CCNYL1: variants seen among roughly 807,000 people sequenced by gnomAD.
CCNYL1 encodes cyclin Y like 1.
A neutral mutation model predicts 44.2 loss-of-function variants in CCNYL1; 16 were observed. The observed-to-expected ratio is 0.36, with a 90% CI of 0.25 to 0.55. CCNYL1 has a LOEUF of 0.55. Ranked by LOEUF, CCNYL1 falls within the 20% of genes least tolerant of loss-of-function variation. The pLI, the probability that CCNYL1 is intolerant of heterozygous loss-of-function variation, is 0.85. For synonymous variants in CCNYL1, 159 were observed against 163.2 expected (o/e 0.97, Z 0.20); for missense variants, 348 against 451.8 (o/e 0.77, Z 2.08).
chr2:207,742,151 CAA>C (rs201207374), intron 6 of CCNYL1, 70 bp from the exon 7 acceptor site: 135,226 of 1,062,388 alleles, frequency 0.13, 2,928 homozygotes, highest in African/African-American at 0.36. Flanking sequence ...AACTCAGTCT[CAA>C]AAAAAAAAAA....
intron 1 of CCNYL1, chr2:207,714,564 A>C (rs1254594592): frequency 3.7e-6 from 1 of 270,344 alleles, no homozygotes; most frequent in African/African-American, 2.3e-5. Context: ...TAAATTTTAA[A>C]GAGTTTGTTC....
In CCNYL1 at chr2:207,748,422, C is replaced by T. The variant is rs1480317892; in HGVS notation, c.806+1209C>T. Among the ~76,000 whole-genome samples the T allele has an allele frequency of 5.9e-5, 9 of 152,282 alleles. 1 individual carries two copies. In the East Asian group the frequency reaches 1.5e-3, roughly 26 times the overall value. ...CACCAATATGACCCTGAAACAGCAG[C>T]TTCATCAGGGTTCCTTCCAGGCTGG... On this transcript the variant is annotated intron_variant, in intron 8 of 9. Coordinates refer to ENST00000295414, the MANE Select transcript of CCNYL1 (RefSeq NM_001330218.2).
chr2:207,738,594 T>C (rs2663884), intron 5 of CCNYL1, among the ~76,000 whole-genome samples: 23,508 of 152,246 alleles, frequency 0.15, 3,022 homozygotes, highest in East Asian at 0.38. Context: ...TTTTGTGTTA[T>C]CAATGAATTT....
chr2:207,743,486 A>C (rs1461339233), intron 7 of CCNYL1, among the ~76,000 whole-genome samples: 2 of 152,220 alleles, frequency 1.3e-5, no homozygotes, highest in African/African-American at 4.8e-5. Context: ...ATGGTAGTGC[A>C]CACCTGTAGT....
At chr2:207,746,254 C>G (rs1041394828) in intron 7 of CCNYL1, among the ~76,000 whole-genome samples, 2 of 152,158 alleles carry the variant, frequency 1.3e-5, no homozygotes, top group African/African-American at 4.8e-5. Flanking sequence ...GCTCTCTTGA[C>G]CAGCAGTTCT....
At chr2:207,753,087 A>G (rs1192168850) in intron 9 of CCNYL1, among the ~76,000 whole-genome samples, 1 of 152,170 alleles carries the variant, frequency 6.6e-6, no homozygotes, top group African/African-American at 2.4e-5. Flanking sequence ...GTGCATGTGA[A>G]GTAATACCTT....
At chr2:207,729,192 C>T (rs2091702627) in intron 3 of CCNYL1, among the ~76,000 whole-genome samples, 1 of 148,382 alleles carries the variant, frequency 6.7e-6, no homozygotes, top group South Asian at 2.2e-4. Context: ...GATATTCTTA[C>T]TATTCAGATG....
At chr2:207,728,298 C>T (rs1052526260) in intron 3 of CCNYL1, among the ~76,000 whole-genome samples, 8 of 142,174 alleles carry the variant, frequency 5.6e-5, no homozygotes, top group Admixed American at 4.4e-4. Flanking sequence ...TTTTTTGAGA[C>T]AGGGTCTCAC....
At chr2:207,730,881 T>C (rs2091721130) in intron 3 of CCNYL1, among the ~76,000 whole-genome samples, 1 of 152,218 alleles carries the variant, frequency 6.6e-6, no homozygotes, top group South Asian at 2.1e-4. Context: ...TCTTTAATTC[T>C]AATGAAATTT....
At chr2:207,737,730 A>G (rs1361324148) in intron 5 of CCNYL1, among the ~76,000 whole-genome samples, 1 of 152,112 alleles carries the variant, frequency 6.6e-6, no homozygotes, top group African/African-American at 2.4e-5. Context: ...CAGTTTCTCA[A>G]CGTTGGCACT....
Position 207,712,031 on chromosome 2 carries a change from C to G in CCNYL1, c.135C>G (p.Pro45=). 1 of 1,515,812 alleles carries G rather than the reference C, an allele frequency of 6.6e-7. No individual in the cohort carries two copies. The highest frequency in any genetic ancestry group is 8.8e-7 in the Non-Finnish European group (1 of 1,131,704). 93.9% of individuals were successfully genotyped at this position (1,515,812 alleles called of 1,614,324 possible). Residue 45 remains proline, a synonymous_variant, in exon 1 of 10, where the codon CCC becomes CCG. Coordinates refer to ENST00000295414, the MANE Select transcript of CCNYL1 (RefSeq NM_001330218.2). ...AVSGDAVAVA[P]AVVEPAELDF... ...CCGGGGACGCGGTGGCGGTAGCGCC[C>G]GCTGTGGTGGAGCCTGCCGAGTTGG...
chr2:207,712,616 A>G (rs564446037), intron 1 of CCNYL1, among the ~76,000 whole-genome samples: 1 of 152,098 alleles, frequency 6.6e-6, no homozygotes, highest in South Asian at 2.1e-4. Flanking sequence ...TTAGACCCAG[A>G]TGTTTGAGGA....
At chr2:207,742,176 A>AT in intron 6 of CCNYL1, 47 bp from the exon 7 acceptor site, 1 of 1,542,262 alleles carries the variant, frequency 6.5e-7, no homozygotes, top group Non-Finnish European at 8.7e-7. Context: ...AAAGCTTAAA[A>AT]TTTTTTTCTT....
intron 1 of CCNYL1, among the ~76,000 whole-genome samples, chr2:207,719,727 T>C (rs553393443): frequency 6.6e-6 from 1 of 152,262 alleles, no homozygotes; most frequent in South Asian, 2.1e-4. Flanking sequence ...TGCCAAGGTT[T>C]TTTAATTTGT....
At chr2:207,746,001 A>G (rs1342172708) in intron 7 of CCNYL1, among the ~76,000 whole-genome samples, 1 of 152,182 alleles carries the variant, frequency 6.6e-6, no homozygotes. Flanking sequence ...GTAACAGCAA[A>G]TTACAGCTTA....
intron 1 of CCNYL1, among the ~76,000 whole-genome samples, chr2:207,722,814 C>T (rs533860472): frequency 6.6e-6 from 1 of 152,206 alleles, no homozygotes; most frequent in African/African-American, 2.4e-5. Context: ...CAAAAATTAG[C>T]CGGGCATGGT....
Position 207,726,893 on chromosome 2 carries a change from A to T in CCNYL1, c.330+17A>T, listed in dbSNP as rs757888987. On this transcript the variant is annotated intron_variant, in intron 3 of 9. Coordinates refer to ENST00000295414, the MANE Select transcript of CCNYL1 (RefSeq NM_001330218.2). The stretch of plus-strand genomic sequence containing the variant: ...TTGAACCATGTAAGTAAACAGTTGG[A>T]AAGCTAAGAAATTAACAGTTGAATT... The T allele has an allele frequency of 2.0e-6, 3 of 1,529,926 alleles. No homozygotes were observed. The highest frequency in any genetic ancestry group is 2.6e-6 in the Non-Finnish European group (3 of 1,142,694). The allele number at this position is 1,529,926 out of a possible 1,614,324, so 94.8% of individuals were successfully genotyped here.
At chr2:207,753,537 G>A (rs368535788) in intron 9 of CCNYL1, 51 bp from the exon 10 acceptor site, 34 of 1,242,226 alleles carry the variant, frequency 2.7e-5, no homozygotes, top group Admixed American at 8.6e-5. Flanking sequence ...TTTCAAAGGC[G>A]GGAACCCTTT....
At chr2:207,733,829 T>C (rs1216195142) in intron 3 of CCNYL1, 118 bp from the exon 4 acceptor site, 1 of 661,762 alleles carries the variant, frequency 1.5e-6, no homozygotes, top group African/African-American at 1.8e-5. Context: ...CTCAGGCAGT[T>C]CATGGAGTGT....
Sources: allele counts gnomAD v4.1 joint callset (sites outside exome capture counted in the v4.1 genomes callset), GRCh38; gene constraint gnomAD v4.1.1; transcripts MANE v1.5; gene names NCBI Gene and HGNC (gene_info 2026-07-23, HGNC 2026-07-21).